Variants in ZNF641 observed in about 807,000 individuals in gnomAD.
The protein encoded by ZNF641 is zinc finger protein 641.
In ZNF641, 26 loss-of-function variants were observed where a neutral mutation model predicts 46.2. The ratio of observed to expected loss-of-function variants is 0.56; its 90% CI spans 0.41 to 0.78. The LOEUF (loss-of-function observed/expected upper bound fraction) is 0.78. Ranked by LOEUF, ZNF641 falls within the 30% of genes least tolerant of loss-of-function variation. The pLI, the probability that ZNF641 is intolerant of heterozygous loss-of-function variation, is 0.00. For synonymous variants in ZNF641, 163 were observed against 187.9 expected (o/e 0.87, Z 1.09); for missense variants, 469 against 517.8 (o/e 0.91, Z 0.91).
rs956823749 is a variant in ZNF641, at chr12:48,338,727, C to A, written c.*4246G>T. On this transcript the variant is annotated 3_prime_UTR_variant, in exon 6 of 6. Transcript: ENST00000547026. ...CAAATCTTACTAGAAAAACCTAGTTCTCTCTTATGCCCTGGGGACTCTGAT... is the reference window on the plus strand; with the variant it reads ...CAAATCTTACTAGAAAAACCTAGTTATCTCTTATGCCCTGGGGACTCTGAT... 6.6e-6 allele frequency: 1 copy of A among 152,250 alleles called. No individual in the cohort carries two copies. Among genetic ancestry groups the A allele is most frequent in the African/African-American group, 2.4e-5 (1 of 41,460 alleles). 9.4% of individuals were successfully genotyped at this position (152,250 alleles called of 1,614,324 possible). A position where few individuals can be genotyped will look rare whatever the true frequency, so the allele number is the denominator to read the frequency against.
In ZNF641 at chr12:48,342,127, C is replaced by G. The variant is rs1952734041; in HGVS notation, c.*846G>C. 1.0e-6 allele frequency: 1 copy of G among 985,068 alleles called. No individual in the cohort carries two copies. Among genetic ancestry groups the G allele is most frequent in the East Asian group, 1.1e-4 (1 of 8,826 alleles). 61.0% of individuals were successfully genotyped at this position (985,068 alleles called of 1,614,324 possible). A position where few individuals can be genotyped will look rare whatever the true frequency, so the allele number is the denominator to read the frequency against. ...AGGGGATAAAGTTTTTTTTGTTTTT[C>G]TGTTTTTCTGTGTGGGCCAGGGCTA... is the stretch of plus-strand genomic sequence containing the variant. On this transcript the variant is annotated 3_prime_UTR_variant, in exon 6 of 6. Transcript: ENST00000547026.
At position 48,343,480 on chromosome 12, in the gene ZNF641, C is replaced by G. The variant is rs1565990475; in HGVS notation, c.768G>C (p.Gly256=). 6.2e-7 allele frequency: 1 copy of G among 1,613,948 alleles called. No individual in the cohort carries two copies. The highest frequency in any genetic ancestry group is 1.7e-5 in the Admixed American group (1 of 60,018). The change falls in exon 6 of 6, where the codon GGG becomes GGC. Residue 256 remains glycine, a synonymous_variant. Transcript: ENST00000547026. The part of the protein sequence containing the change: ...LLRPHTCPQC[G]KQFVWGSHLA... ...GGTGGGAACCCCATACAAACTGTTTCCCACACTGGGGGCATGTGTGGGGTC... is the reference window on the plus strand; with the variant it reads ...GGTGGGAACCCCATACAAACTGTTTGCCACACTGGGGGCATGTGTGGGGTC...
Position 48,342,806 on chromosome 12 carries a change from C to A in ZNF641, c.*167G>T. ...AACTCTATTTTTATGTGCTATCTCA[C>A]AGAACTGGTGAGAAATGCTCTGGCC... is the stretch of plus-strand genomic sequence containing the variant. On this transcript the variant is annotated 3_prime_UTR_variant, in exon 6 of 6. Transcript: ENST00000547026. 1 of 1,425,498 alleles carries A rather than the reference C, an allele frequency of 7.0e-7. No individual in the cohort carries two copies. The highest frequency in any genetic ancestry group is 9.1e-7 in the Non-Finnish European group (1 of 1,095,142). 88.3% of individuals were successfully genotyped at this position (1,425,498 alleles called of 1,614,324 possible). A position where few individuals can be genotyped will look rare whatever the true frequency, so the allele number is the denominator to read the frequency against.
intron 1 of ZNF641, chr12:48,349,964 G>A: frequency 6.4e-7 from 1 of 1,560,260 alleles, no homozygotes; most frequent in Non-Finnish European, 8.8e-7. Context: ...AGCCCATTGG[G>A]CCAGCTGTAA....
At chr12:48,344,983 C>T (rs1371190180) in intron 4 of ZNF641, among the ~76,000 whole-genome samples, 5 of 152,054 alleles carry the variant, frequency 3.3e-5, no homozygotes, top group Non-Finnish European at 5.9e-5. Flanking sequence ...CGTAACTTCA[C>T]TTTAGTCCTA....
At chr12:48,343,781 G>A in intron 5 of ZNF641, 54 bp from the exon 6 acceptor site, 1 of 1,428,602 alleles carries the variant, frequency 7.0e-7, no homozygotes, top group South Asian at 1.5e-5. Context: ...GAGAGTGCTT[G>A]AGGCCTAAGT....
chr12:48,349,739 T>C (rs2136190794), intron 1 of ZNF641, among the ~76,000 whole-genome samples: 1 of 152,346 alleles, frequency 6.6e-6, no homozygotes, highest in South Asian at 2.1e-4. Context: ...GAAACTTCCA[T>C]TTTAGCTCTC....
chr12:48,340,847 A>G lies in ZNF641; in HGVS notation c.*2126T>C, dbSNP rs1302916471. On this transcript the variant is annotated 3_prime_UTR_variant, in exon 6 of 6. Transcript: ENST00000547026. ...AGAAATGTCAGAGTCCAGATTTATC[A>G]CTGAACCCAATACTTTCTTACTCCC... 3.2e-5 allele frequency: 32 copies of G among 985,314 alleles called. No individual in the cohort carries two copies. The highest frequency in any genetic ancestry group is 3.7e-5 in the Non-Finnish European group (31 of 829,900). 61.0% of individuals were successfully genotyped at this position (985,314 alleles called of 1,614,324 possible).
chr12:48,345,613 C>G lies in ZNF641; in HGVS notation c.277-139G>C. On this transcript the variant is annotated intron_variant, in intron 3 of 5. Coordinates refer to ENST00000547026, the MANE Select transcript of ZNF641 (RefSeq NM_001172681.2). Reference sequence around the variant, plus strand: ...GCTGCCCAGAAGTCCCTGGGTAGGGCACATAGTTTTGGTAACAGGGAAATG... The same window carrying G: ...GCTGCCCAGAAGTCCCTGGGTAGGGGACATAGTTTTGGTAACAGGGAAATG... The G allele has an allele frequency of 3.9e-6, 4 of 1,023,670 alleles. No individual in the cohort carries two copies. In the South Asian group the frequency reaches 6.3e-5, roughly 16 times the overall value. The allele number at this position is 1,023,670 out of a possible 1,614,324, so 63.4% of individuals were successfully genotyped here.
chr12:48,341,688 A>C lies in ZNF641; in HGVS notation c.*1285T>G, dbSNP rs1436590397. The C allele has an allele frequency of 1.0e-6, 1 of 985,276 alleles. No individual in the cohort carries two copies. The highest frequency in any genetic ancestry group is 1.2e-6 in the Non-Finnish European group (1 of 829,950). 61.0% of individuals were successfully genotyped at this position (985,276 alleles called of 1,614,324 possible). A position where few individuals can be genotyped will look rare whatever the true frequency, so the allele number is the denominator to read the frequency against. ...GCCCTAATTTTCCAGCACTTAAAAC[A>C]AAATCCCCACTCAATACAAAGTTTC... On this transcript the variant is annotated 3_prime_UTR_variant, in exon 6 of 6. Transcript: ENST00000547026.
chr12:48,350,755 C>G, intron 1 of ZNF641, 31 bp downstream of exon 1: 6 of 920,216 alleles, frequency 6.5e-6, no homozygotes, highest in Non-Finnish European at 7.8e-6. Context: ...CTCCCTCCAG[C>G]CGCAGCTCCC....
chr12:48,343,860 C>G, intron 5 of ZNF641, 133 bp from the exon 6 acceptor site: 2 of 817,234 alleles, frequency 2.4e-6, no homozygotes, highest in Non-Finnish European at 3.6e-6. Context: ...AGAACATAGT[C>G]TAATGTCGTA....
intron 1 of ZNF641, among the ~76,000 whole-genome samples, chr12:48,348,457 G>C (rs546339999): frequency 1.4e-3 from 214 of 152,322 alleles, no homozygotes; most frequent in South Asian, 3.9e-3. Context: ...TCAAGCACAT[G>C]AAGTACAGGA....
At chr12:48,344,397 G>A in intron 5 of ZNF641, 2 of 404,394 alleles carry the variant, frequency 4.9e-6, no homozygotes, top group Non-Finnish European at 8.8e-6. Context: ...ACTTTTCCAA[G>A]GTCCCACAAC....
chr12:48,350,750 T>C, intron 1 of ZNF641, 36 bp downstream of exon 1: 1 of 902,914 alleles, frequency 1.1e-6, no homozygotes, highest in Non-Finnish European at 1.3e-6. Flanking sequence ...CGTCCCTCCC[T>C]CCAGCCGCAG....
chr12:48,341,698 C>T lies in ZNF641; in HGVS notation c.*1275G>A. On this transcript the variant is annotated 3_prime_UTR_variant, in exon 6 of 6. Transcript: ENST00000547026. ...TCCAGCACTTAAAACAAAATCCCCA[C>T]TCAATACAAAGTTTCTATGTGCCTC... is the stretch of plus-strand genomic sequence containing the variant. 1 of 985,472 alleles carries T rather than the reference C, an allele frequency of 1.0e-6. No homozygotes were observed. The highest frequency in any genetic ancestry group is 1.2e-6 in the Non-Finnish European group (1 of 829,944). 61.0% of individuals were successfully genotyped at this position (985,472 alleles called of 1,614,324 possible).
chr12:48,344,460 T>G, intron 5 of ZNF641, 139 bp downstream of exon 5: 1 of 551,198 alleles, frequency 1.8e-6, no homozygotes, highest in Non-Finnish European at 3.2e-6. Context: ...TCTATTACAC[T>G]CCCTTGCTTT....
chr12:48,344,488 A>C, intron 5 of ZNF641, 111 bp downstream of exon 5: 1 of 647,042 alleles, frequency 1.5e-6, no homozygotes. Context: ...AAAAATCTCT[A>C]AACCTTTTGT....
At position 48,344,591 on chromosome 12, in the gene ZNF641, G is replaced by GTTCT. The variant is rs1234485693; in HGVS notation, c.520+4_520+7dup. On this transcript the variant is annotated splice_region_variant and intron_variant, in intron 5 of 5. Coordinates refer to ENST00000547026, the MANE Select transcript of ZNF641 (RefSeq NM_001172681.2). ...GGAAGTGGCTGAAAGCCTATTCTAG[G>GTTCT]TTCTTACCTGTATATGTGACCCTCA... 21 of 1,582,306 alleles carry GTTCT rather than the reference G, an allele frequency of 1.3e-5. No homozygotes were observed. Among genetic ancestry groups the GTTCT allele is most frequent in the African/African-American group, 2.7e-5 (2 of 74,138 alleles).
Sources: allele counts gnomAD v4.1 joint callset (sites outside exome capture counted in the v4.1 genomes callset), GRCh38; gene constraint gnomAD v4.1.1; transcripts MANE v1.5; gene names NCBI Gene and HGNC (gene_info 2026-07-23, HGNC 2026-07-21).